Variants in PEBP4 observed in about 807,000 individuals in gnomAD.
PEBP4 encodes the protein phosphatidylethanolamine binding protein 4, also known as phosphatidylethanolamine-binding protein 4.
Under a neutral mutation model 23.9 loss-of-function variants are expected in PEBP4, and 22 were observed. The ratio of observed to expected loss-of-function variants is 0.92; its 90% CI spans 0.66 to 1.31. The LOEUF is 1.31. Ranked by LOEUF, PEBP4 falls within the 40% of genes most tolerant of loss-of-function variation. The pLI, the probability that PEBP4 is intolerant of heterozygous loss-of-function variation, is 0.00. For synonymous variants in PEBP4, 112 were observed against 99.3 expected (o/e 1.13, Z -0.76); for missense variants, 324 against 281.7 (o/e 1.15, Z -1.07).
chr8:22,728,355 A>T (rs1804659388), intron 4 of PEBP4, among the ~76,000 whole-genome samples: 1 of 152,134 alleles, frequency 6.6e-6, no homozygotes, highest in African/African-American at 2.4e-5. Context: ...TCTTGGTCAG[A>T]TATCCCTCTT....
chr8:22,894,005 C>T (rs549874717), intron 3 of PEBP4, among the ~76,000 whole-genome samples: 1 of 152,168 alleles, frequency 6.6e-6, no homozygotes, highest in Admixed American at 6.5e-5. Context: ...ACACCAAACA[C>T]ATCACAATCA....
chr8:22,778,734 G>A (rs890585837), intron 4 of PEBP4, among the ~76,000 whole-genome samples: 1 of 152,186 alleles, frequency 6.6e-6, no homozygotes, highest in African/African-American at 2.4e-5. Context: ...TGGGCATGCT[G>A]TCTCGTGGCT....
chr8:22,724,756 G>C lies in PEBP4; in HGVS notation c.517+87C>G. ...TCCAAGGCTCATGAGTGGGGGTCAA[G>C]GCCCCAATTTCCCCGTAAATGCCTG... On this transcript the variant is annotated intron_variant, in intron 6 of 6. Coordinates refer to ENST00000256404, the MANE Select transcript of PEBP4 (RefSeq NM_144962.3). The C allele has an allele frequency of 5.0e-6, 5 of 1,001,818 alleles. No individual in the cohort carries two copies. The South Asian group carries it at 7.0e-5, about 14-fold the overall frequency. The allele number at this position is 1,001,818 out of a possible 1,614,324, so 62.1% of individuals were successfully genotyped here. A position where few individuals can be genotyped will look rare whatever the true frequency, so the allele number is the denominator to read the frequency against.
intron 4 of PEBP4, among the ~76,000 whole-genome samples, chr8:22,767,884 C>T (rs574712787): frequency 2.0e-5 from 3 of 152,154 alleles, no homozygotes; most frequent in East Asian, 1.9e-4. Flanking sequence ...GGATTACAGG[C>T]GCTGCCACTA....
chr8:22,776,275 T>C (rs1467672174), intron 4 of PEBP4, among the ~76,000 whole-genome samples: 1 of 152,226 alleles, frequency 6.6e-6, no homozygotes, highest in Non-Finnish European at 1.5e-5. Context: ...CCCTTTCCCC[T>C]TTCTTCATTT....
chr8:22,723,322 C>T (rs1179867515), intron 6 of PEBP4, among the ~76,000 whole-genome samples: 3 of 152,150 alleles, frequency 2.0e-5, no homozygotes, highest in Non-Finnish European at 4.4e-5. Context: ...CCTCAGGAGC[C>T]CCAGCACGCA....
chr8:22,934,654 T>G (rs997854006), intron 1 of PEBP4, among the ~76,000 whole-genome samples: 1 of 152,050 alleles, frequency 6.6e-6, no homozygotes, highest in Non-Finnish European at 1.5e-5. Flanking sequence ...CTGGGCCACA[T>G]AGTGAGACCC....
At chr8:22,814,211 C>G (rs556888095) in intron 4 of PEBP4, among the ~76,000 whole-genome samples, 63 of 152,244 alleles carry the variant, frequency 4.1e-4, no homozygotes, top group Non-Finnish European at 6.8e-4. Flanking sequence ...GCAACTAGCC[C>G]AAGATCACAC....
intron 3 of PEBP4, among the ~76,000 whole-genome samples, chr8:22,866,774 C>T (rs1252137845): frequency 6.6e-6 from 1 of 150,916 alleles, no homozygotes; most frequent in African/African-American, 2.4e-5. Context: ...TTTTTATAAG[C>T]GCCATATTTT....
chr8:22,839,655 G>C (rs1229118898), intron 3 of PEBP4, among the ~76,000 whole-genome samples: 2 of 152,180 alleles, frequency 1.3e-5, no homozygotes, highest in African/African-American at 4.8e-5. Context: ...TACTTGCAGG[G>C]TTGAAGCCTC....
chr8:22,780,018 G>A (rs1014257053), intron 4 of PEBP4, among the ~76,000 whole-genome samples: 7 of 151,334 alleles, frequency 4.6e-5, no homozygotes, highest in African/African-American at 9.7e-5. Context: ...GCACGATCAC[G>A]GCTCACTGCA....
intron 3 of PEBP4, among the ~76,000 whole-genome samples, chr8:22,837,503 T>C (rs536950899): frequency 6.6e-6 from 1 of 152,326 alleles, no homozygotes; most frequent in Non-Finnish European, 1.5e-5. Flanking sequence ...CGCTACAGAC[T>C]TAGGCCCTAA....
At chr8:22,787,290 G>C (rs567305767) in intron 4 of PEBP4, among the ~76,000 whole-genome samples, 2 of 152,312 alleles carry the variant, frequency 1.3e-5, no homozygotes, top group South Asian at 2.1e-4. Flanking sequence ...GAGTTGAAGA[G>C]TTGGGGTCTT....
At chr8:22,751,381 G>C (rs1805254188) in intron 4 of PEBP4, among the ~76,000 whole-genome samples, 1 of 152,162 alleles carries the variant, frequency 6.6e-6, no homozygotes, top group South Asian at 2.1e-4. Flanking sequence ...TGCAAATCCT[G>C]GTTGCCTTGG....
intron 4 of PEBP4, among the ~76,000 whole-genome samples, chr8:22,763,442 T>C (rs1225043944): frequency 6.6e-6 from 1 of 152,098 alleles, no homozygotes; most frequent in African/African-American, 2.4e-5. Context: ...GTAGCTCTCA[T>C]GGTTTAAAGT....
chr8:22,720,783 C>T (rs1186378401), intron 6 of PEBP4, among the ~76,000 whole-genome samples: 1 of 152,176 alleles, frequency 6.6e-6, no homozygotes, highest in African/African-American at 2.4e-5. Context: ...TGAATATCTC[C>T]CCTGACTCTC....
At chr8:22,773,883 C>A (rs939604215) in intron 4 of PEBP4, among the ~76,000 whole-genome samples, 4 of 152,138 alleles carry the variant, frequency 2.6e-5, no homozygotes, top group African/African-American at 9.7e-5. Context: ...CTGTTCTGAC[C>A]AGAGGACGAT....
At chr8:22,780,996 G>A (rs182034097) in intron 4 of PEBP4, among the ~76,000 whole-genome samples, 31 of 152,334 alleles carry the variant, frequency 2.0e-4, no homozygotes, top group African/African-American at 7.0e-4. Flanking sequence ...AAGAGACTCC[G>A]TAACTTGTGA....
intron 3 of PEBP4, among the ~76,000 whole-genome samples, chr8:22,823,030 GGAT>G (rs1489629853): frequency 1.3e-5 from 2 of 151,542 alleles, no homozygotes; most frequent in Admixed American, 1.3e-4. Flanking sequence ...GATAAAATAG[GGAT>G]GATAATAATT....
Sources: allele counts gnomAD v4.1 joint callset (sites outside exome capture counted in the v4.1 genomes callset), GRCh38; gene constraint gnomAD v4.1.1; transcripts MANE v1.5; gene names NCBI Gene and HGNC (gene_info 2026-07-23, HGNC 2026-07-21).